Variants in PDLIM1 observed in about 807,000 individuals in gnomAD.
The protein encoded by PDLIM1 is PDZ and LIM domain protein 1.
In PDLIM1, 25 loss-of-function variants were observed where a neutral mutation model predicts 35.2. That is an observed-to-expected ratio of 0.71 (90% CI 0.52 to 0.99). The LOEUF is 0.99. Among genes scored for constraint, PDLIM1 ranks in the 50% least tolerant of loss-of-function variants. The pLI is 0.00. For synonymous variants in PDLIM1, 152 were observed against 154.0 expected, an observed-to-expected ratio of 0.99 and a Z score of 0.10; for missense variants, 363 against 415.3, an observed-to-expected ratio of 0.87 and a Z score of 1.09.
At chr10:95,245,517 T>C (rs942004058) in intron 5 of PDLIM1, among the ~76,000 whole-genome samples, 1 of 152,186 alleles carries the variant, frequency 6.6e-6, no homozygotes, top group Admixed American at 6.5e-5. Flanking sequence ...GAACTTGACC[T>C]TGCCTCTCAT....
intron 4 of PDLIM1, among the ~76,000 whole-genome samples, chr10:95,249,347 T>C (rs1331016476): frequency 6.6e-6 from 1 of 152,216 alleles, no homozygotes; most frequent in Non-Finnish European, 1.5e-5. Context: ...GAAAGGCCAG[T>C]GTGCCCAGTG....
chr10:95,261,527 C>T (rs1267786642), intron 4 of PDLIM1, among the ~76,000 whole-genome samples: 3 of 152,136 alleles, frequency 2.0e-5, no homozygotes, highest in Non-Finnish European at 2.9e-5. Context: ...TCCCCACAGT[C>T]GCCTGGAAGA....
intron 4 of PDLIM1, among the ~76,000 whole-genome samples, chr10:95,252,917 T>C (rs2035278642): frequency 6.6e-6 from 1 of 151,948 alleles, no homozygotes; most frequent in Non-Finnish European, 1.5e-5. Flanking sequence ...AGATCAAAAA[T>C]TCATGTCAAT....
chr10:95,281,729 C>G (rs1458956539), intron 1 of PDLIM1, among the ~76,000 whole-genome samples: 1 of 152,168 alleles, frequency 6.6e-6, no homozygotes, highest in Non-Finnish European at 1.5e-5. Context: ...TGGCCTCAAG[C>G]AATCCTCACA....
intron 5 of PDLIM1, among the ~76,000 whole-genome samples, chr10:95,242,641 C>G (rs2035188383): frequency 6.6e-6 from 1 of 151,134 alleles, no homozygotes; most frequent in Admixed American, 6.6e-5. Context: ...GAGACGAGAT[C>G]ACGCCACTGC....
At chr10:95,259,262 A>C (rs1291635712) in intron 4 of PDLIM1, among the ~76,000 whole-genome samples, 1 of 152,238 alleles carries the variant, frequency 6.6e-6, no homozygotes, top group African/African-American at 2.4e-5. Context: ...TCTCAAAATA[A>C]AAATTTTAAT....
chr10:95,286,576 A>C (rs1741634824), intron 1 of PDLIM1, among the ~76,000 whole-genome samples: 1 of 152,130 alleles, frequency 6.6e-6, no homozygotes, highest in South Asian at 2.1e-4. Context: ...CCAGGCCCTC[A>C]ATTAAAGTCC....
intron 1 of PDLIM1, among the ~76,000 whole-genome samples, chr10:95,279,587 T>C (rs1261862720): frequency 1.3e-5 from 2 of 152,228 alleles, no homozygotes; most frequent in African/African-American, 4.8e-5. Context: ...ACATCATTTG[T>C]TGATTCAACC....
intron 1 of PDLIM1, among the ~76,000 whole-genome samples, chr10:95,285,549 C>T (rs543817851): frequency 6.6e-6 from 1 of 152,284 alleles, no homozygotes; most frequent in South Asian, 2.1e-4. Context: ...TTCTGTGTCC[C>T]TCTGTCATGG....
At chr10:95,268,672 T>C in intron 3 of PDLIM1, 106 bp downstream of exon 3, 1 of 777,078 alleles carries the variant, frequency 1.3e-6, no homozygotes, top group Admixed American at 1.8e-5. Flanking sequence ...TGAAGGGTCT[T>C]ATCCCCAGGC....
At chr10:95,279,879 C>T (rs1490463018) in intron 1 of PDLIM1, among the ~76,000 whole-genome samples, 1 of 152,054 alleles carries the variant, frequency 6.6e-6, no homozygotes, top group African/African-American at 2.4e-5. Flanking sequence ...TGGGATTCAG[C>T]GATGAGGAAA....
At chr10:95,280,026 CA>C (rs1242581459) in intron 1 of PDLIM1, among the ~76,000 whole-genome samples, 1 of 152,128 alleles carries the variant, frequency 6.6e-6, no homozygotes, top group African/African-American at 2.4e-5. Context: ...CAGAATTTAA[CA>C]AAAATGAGTA....
intron 1 of PDLIM1, among the ~76,000 whole-genome samples, chr10:95,284,017 C>G (rs964415015): frequency 2.1e-5 from 3 of 142,936 alleles, no homozygotes; most frequent in Admixed American, 7.0e-5. Flanking sequence ...GTGTGTGTGT[C>G]TCCTTCATGT....
chr10:95,274,645 T>G (rs189592245), intron 1 of PDLIM1, among the ~76,000 whole-genome samples: 72 of 152,274 alleles, frequency 4.7e-4, no homozygotes, highest in African/African-American at 1.6e-3. Flanking sequence ...ACTGGTCACT[T>G]TATGTTTGCA....
chr10:95,266,791 C>T (rs1318628564), intron 3 of PDLIM1, among the ~76,000 whole-genome samples: 1 of 152,196 alleles, frequency 6.6e-6, no homozygotes, highest in African/African-American at 2.4e-5. Flanking sequence ...AAAGGAATAT[C>T]TCTACCCTCA....
chr10:95,258,791 AC>A (rs2035337467), intron 4 of PDLIM1, among the ~76,000 whole-genome samples: 1 of 152,178 alleles, frequency 6.6e-6, no homozygotes, highest in South Asian at 2.1e-4. Context: ...ACACTTAAAA[AC>A]GTTTAAGATC....
At position 95,290,950 on chromosome 10, in the gene PDLIM1, A is replaced by G; in HGVS notation, c.-35T>C. On this transcript the variant is annotated 5_prime_UTR_variant, in exon 1 of 7. Transcript: ENST00000329399. The surrounding 1 kb of genome is among the most constrained non-coding windows in gnomAD (Gnocchi z 4.7). ...GTGGCGGGCGACGACCCGCGGGGACAGACGGGCAGGACGCGCGGAACAGCT... is the reference window on the plus strand; with the variant it reads ...GTGGCGGGCGACGACCCGCGGGGACGGACGGGCAGGACGCGCGGAACAGCT... 2.2e-6 allele frequency: 3 copies of G among 1,394,628 alleles called. No homozygotes were observed. Among genetic ancestry groups the G allele is most frequent in the Non-Finnish European group, 2.9e-6 (3 of 1,017,924 alleles). 86.4% of individuals were successfully genotyped at this position (1,394,628 alleles called of 1,614,324 possible).
chr10:95,278,403 C>T (rs1420683637), intron 1 of PDLIM1, among the ~76,000 whole-genome samples: 2 of 152,142 alleles, frequency 1.3e-5, no homozygotes, highest in Non-Finnish European at 2.9e-5. Context: ...CACTGGAACT[C>T]AGCTGTGAAA....
Position 95,271,535 on chromosome 10 carries a change from T to G in PDLIM1, c.248+98A>C, listed in dbSNP as rs571081084. ...CTATAGTATATACATGGCACTGAGC[T>G]AGGAGGTCTGGGGGATTCTGAGATA... On this transcript the variant is annotated intron_variant, in intron 2 of 6. Coordinates refer to ENST00000329399, the MANE Select transcript of PDLIM1 (RefSeq NM_020992.4). The G allele has an allele frequency of 1.1e-5, 11 of 1,007,660 alleles. No individual in the cohort carries two copies. The African/African-American group carries it at 1.8e-4, about 17-fold the overall frequency. 62.4% of individuals were successfully genotyped at this position (1,007,660 alleles called of 1,614,324 possible).
Sources: gnomAD v4.1 joint callset for allele counts (sites outside exome capture counted in the v4.1 genomes callset) on GRCh38, gnomAD v4.1.1 for gene constraint, Gnocchi (gnomAD v3.1) non-coding constraint, MANE v1.5 for transcripts, NCBI Gene and HGNC (gene_info 2026-07-23, HGNC 2026-07-21) for gene names.